Variants in SLC45A1 observed in about 807,000 individuals in gnomAD.
The protein encoded by SLC45A1 is solute carrier family 45 member 1, also known as proton-associated sugar transporter A.
A neutral mutation model predicts 57.6 loss-of-function variants in SLC45A1; 28 were observed. That is an observed-to-expected ratio of 0.49 (90% CI 0.36 to 0.67). SLC45A1 has a LOEUF of 0.67. Among genes scored for constraint, SLC45A1 ranks in the 30% least tolerant of loss-of-function variants. SLC45A1 has a pLI of 0.00. For synonymous variants in SLC45A1, 459 were observed against 471.5 expected, an observed-to-expected ratio of 0.97 and a Z score of 0.34; for missense variants, 814 against 1,041.5, an observed-to-expected ratio of 0.78 and a Z score of 3.01.
intron 8 of SLC45A1, 31 bp downstream of exon 8, chr1:8,339,729 C>A: frequency 6.3e-7 from 1 of 1,597,074 alleles, no homozygotes. Flanking sequence ...TGCTTCGGGT[C>A]TGCTTCTTGG....
At chr1:8,320,511 G>A (rs374923518) in intron 1 of SLC45A1, among the ~76,000 whole-genome samples, 1 of 152,148 alleles carries the variant, frequency 6.6e-6, no homozygotes, top group African/African-American at 2.4e-5. Flanking sequence ...TGGTGTGGTG[G>A]TGTGCACCTG....
chr1:8,329,449 T>C (rs1474546542), intron 4 of SLC45A1, among the ~76,000 whole-genome samples: 1 of 152,208 alleles, frequency 6.6e-6, no homozygotes, highest in Non-Finnish European at 1.5e-5. Flanking sequence ...GCTGGGGTGG[T>C]GCCCCTGCAG....
chr1:8,335,708 C>T lies in SLC45A1; in HGVS notation c.1597+118C>T. 8.5e-7 allele frequency: 1 copy of T among 1,177,184 alleles called. No individual in the cohort carries two copies. Among genetic ancestry groups the T allele is most frequent in the Non-Finnish European group, 1.2e-6 (1 of 865,012 alleles). The allele number at this position is 1,177,184 out of a possible 1,614,324, so 72.9% of individuals were successfully genotyped here. On this transcript the variant is annotated intron_variant, in intron 6 of 8. Coordinates refer to ENST00000471889, the MANE Select transcript of SLC45A1 (RefSeq NM_001080397.3). This position sits in a 1 kb window ranked among gnomAD's most constrained non-coding sequence, Gnocchi z 4.1. ...CAGAACCTTTCTGAGTTCACCAGCC[C>T]CCAACAACAGCACCAAGGGCAGGCC... is the stretch of plus-strand genomic sequence containing the variant.
In SLC45A1 at chr1:8,340,819, G is replaced by A. The variant is rs116553200; in HGVS notation, c.1980+1121G>A. ...AGCAGATTAAAAGGATATGGTACCC[G>A]TCCTTTAGAAAAGGACAGCTGAAAT... On this transcript the variant is annotated intron_variant, in intron 8 of 8. Transcript: ENST00000471889. 8.1e-3 allele frequency among the ~76,000 whole-genome samples: 1,226 copies of A among 152,240 alleles called. 16 individuals carry two copies. The highest frequency in any genetic ancestry group is 0.028 in the African/African-American group (1,171 of 41,548).
chr1:8,342,198 C>G (rs1640848248), intron 8 of SLC45A1, among the ~76,000 whole-genome samples: 1 of 152,192 alleles, frequency 6.6e-6, no homozygotes, highest in African/African-American at 2.4e-5. Context: ...CAGAGTGAGA[C>G]TCCGTCTCAA....
At chr1:8,324,264 AGGCAAAAGTAACTGT>A in intron 1 of SLC45A1, 27 bp from the exon 2 acceptor site, 1 of 1,547,694 alleles carries the variant, frequency 6.5e-7, no homozygotes. Context: ...AGGACTACCC[AGGCAAAAGTAACTGT>A]GGCCTCCCCA....
intron 8 of SLC45A1, among the ~76,000 whole-genome samples, chr1:8,342,523 A>C (rs1157888334): frequency 6.6e-6 from 1 of 152,168 alleles, no homozygotes; most frequent in East Asian, 1.9e-4. Context: ...GGAGTCAGGC[A>C]GTCTGCGGCC....
intron 5 of SLC45A1, among the ~76,000 whole-genome samples, chr1:8,334,636 G>A (rs1222270637): frequency 1.3e-5 from 2 of 151,994 alleles, no homozygotes; most frequent in Admixed American, 6.6e-5. Flanking sequence ...CCAGGAGGTC[G>A]AGGCTGCAGT....
rs17032460 is a variant in SLC45A1, at chr1:8,344,063, G to A, written c.*50G>A. 8.8e-3 allele frequency: 13,739 copies of A among 1,555,674 alleles called. 1,061 individuals carry two copies. In the African/African-American group the frequency reaches 0.17, roughly 19 times the overall value. On this transcript the variant is annotated 3_prime_UTR_variant, in exon 9 of 9. Coordinates refer to ENST00000471889, the MANE Select transcript of SLC45A1 (RefSeq NM_001080397.3). ...ACGCGCCTGCACCTGGGGGTCTGGA[G>A]CAGGCCGACCAGTGAGGACCAAAGG... is the stretch of plus-strand genomic sequence containing the variant.
Position 8,325,247 on chromosome 1 carries a change from C to A in SLC45A1, c.398-51C>A. ...GGAATGTGGAGGCTGATTCGATGTC[C>A]CCATGTGCCATGGGGACCCTGGCAA... On this transcript the variant is annotated intron_variant, in intron 2 of 8. Coordinates refer to ENST00000471889, the MANE Select transcript of SLC45A1 (RefSeq NM_001080397.3). This position sits in a 1 kb window ranked among gnomAD's most constrained non-coding sequence, Gnocchi z 6.3. The A allele has an allele frequency of 8.3e-7, 1 of 1,206,600 alleles. No homozygotes were observed. Among genetic ancestry groups the A allele is most frequent in the Non-Finnish European group, 1.2e-6 (1 of 811,826 alleles). 74.7% of individuals were successfully genotyped at this position (1,206,600 alleles called of 1,614,324 possible).
chr1:8,333,035 C>T (rs183926796), intron 5 of SLC45A1, among the ~76,000 whole-genome samples: 176 of 152,196 alleles, frequency 1.2e-3, no homozygotes, highest in African/African-American at 3.8e-3. Context: ...TTCACTCGGC[C>T]GCAGACGCAC....
rs375786666 is a variant in SLC45A1, at chr1:8,325,954, G to C, written c.627G>C (p.Ser209=). 1.9e-6 allele frequency: 3 copies of C among 1,613,230 alleles called. No individual in the cohort carries two copies. The highest frequency in any genetic ancestry group is 2.7e-5 in the African/African-American group (2 of 74,934). ...GVVLMDFSAD[S]ADNPSHAYMM... ...TGCTGATGGACTTTAGCGCCGACTC[G>C]GCGGACAACCCCAGCCACGCCTACA... Residue 209 remains serine, a synonymous_variant, in exon 4 of 9, where the codon TCG becomes TCC. Coordinates refer to ENST00000471889, the MANE Select transcript of SLC45A1 (RefSeq NM_001080397.3). The surrounding 1 kb of genome is among the most constrained non-coding windows in gnomAD (Gnocchi z 6.3).
At chr1:8,320,528 C>T (rs534643859) in intron 1 of SLC45A1, among the ~76,000 whole-genome samples, 1 of 152,096 alleles carries the variant, frequency 6.6e-6, no homozygotes, top group African/African-American at 2.4e-5. Context: ...CCTGTAGTTC[C>T]AGCTATTTGG....
At chr1:8,322,499 T>A (rs1640064999) in intron 1 of SLC45A1, among the ~76,000 whole-genome samples, 1 of 147,222 alleles carries the variant, frequency 6.8e-6, no homozygotes, top group African/African-American at 2.6e-5. Context: ...CCAATCATTT[T>A]CACCATTGGT....
intron 1 of SLC45A1, among the ~76,000 whole-genome samples, chr1:8,323,414 C>T (rs938417323): frequency 1.3e-5 from 2 of 149,826 alleles, no homozygotes. Context: ...TGGCTTGAAC[C>T]TGGGAGGTGG....
chr1:8,330,715 C>G lies in SLC45A1; in HGVS notation c.1222C>G (p.Pro408Ala). ...CATCAGCGTCAGCTTCCCCCGGGCC[C>G]CCGACGGCTTCTACCGCCAGGACCG... The part of the protein sequence containing the change: ...PPISVSFPRA[P>A]DGFYRQDRGL... The change falls in exon 5 of 9, where the codon CCC (proline) becomes GCC (alanine). Residue 408 changes from proline to alanine, a missense_variant. By Grantham distance (27) the Pro-to-Ala change is conservative (BLOSUM62 -1). Transcript: ENST00000471889. This position sits in a 1 kb window ranked among gnomAD's most constrained non-coding sequence, Gnocchi z 8.4. 6.2e-7 allele frequency: 1 copy of G among 1,613,196 alleles called. No individual in the cohort carries two copies. The highest frequency in any genetic ancestry group is 8.5e-7 in the Non-Finnish European group (1 of 1,179,980).
At position 8,335,329 on chromosome 1, in the gene SLC45A1, C is replaced by A; in HGVS notation, c.1444-108C>A. 9.0e-7 allele frequency: 1 copy of A among 1,105,542 alleles called. No homozygotes were observed. The highest frequency in any genetic ancestry group is 1.8e-5 in the South Asian group (1 of 56,216). The allele number at this position is 1,105,542 out of a possible 1,614,324, so 68.5% of individuals were successfully genotyped here. A position where few individuals can be genotyped will look rare whatever the true frequency, so the allele number is the denominator to read the frequency against. On this transcript the variant is annotated intron_variant, in intron 5 of 8. Coordinates refer to ENST00000471889, the MANE Select transcript of SLC45A1 (RefSeq NM_001080397.3). The surrounding 1 kb of genome is among the most constrained non-coding windows in gnomAD (Gnocchi z 4.1). ...CGTCAGATAAGAAGACAGACCCTTG[C>A]AGCCTCCGTGCGGTGTTTCCGAGAG...
chr1:8,324,411 G>A lies in SLC45A1; in HGVS notation c.82G>A (p.Val28Ile). ...CCCACAGGACTTCTGGAGGTCCCAG[G>A]TCACGGGCTACTCGGGGTCCGTGAC... ...VAPQDFWRSQ[V>I]TGYSGSVTRH... is the part of the protein sequence containing the mutation. The change falls in exon 2 of 9, where the codon GTC (valine) becomes ATC (isoleucine). Residue 28 changes from valine to isoleucine, a missense_variant. By Grantham distance (29) the Val-to-Ile change is conservative. Transcript: ENST00000471889. 3.1e-6 allele frequency: 5 copies of A among 1,612,712 alleles called. No homozygotes were observed. The highest frequency in any genetic ancestry group is 4.2e-6 in the Non-Finnish European group (5 of 1,179,974).
chr1:8,343,332 C>A lies in SLC45A1; in HGVS notation c.1981-415C>A, dbSNP rs369345103. On this transcript the variant is annotated intron_variant, in intron 8 of 8. Transcript: ENST00000471889. The surrounding 1 kb of genome is among the most constrained non-coding windows in gnomAD (Gnocchi z 7.7). The stretch of plus-strand genomic sequence containing the variant: ...CTTGGAGCCTCGGACAGAGGACCAG[C>A]GGCTGTCATGTGCAGAGGACTTTGG... 6.6e-6 allele frequency among the ~76,000 whole-genome samples: 1 copy of A among 152,166 alleles called. No individual in the cohort carries two copies. The highest frequency in any genetic ancestry group is 6.5e-5 in the Admixed American group (1 of 15,278).
Sources: allele counts gnomAD v4.1 joint callset (sites outside exome capture counted in the v4.1 genomes callset), GRCh38; gene constraint gnomAD v4.1.1; non-coding constraint Gnocchi (gnomAD v3.1); transcripts MANE v1.5; gene names NCBI Gene and HGNC (gene_info 2026-07-23, HGNC 2026-07-21).